Variants in TOP6BL observed in about 807,000 individuals in gnomAD.
The protein encoded by TOP6BL is type 2 DNA topoisomerase 6 subunit B-like.
the TOP6BL span, among the ~76,000 whole-genome samples, chr11:66,773,836 A>T: frequency 2.6e-5 from 4 of 152,006 alleles, no homozygotes; most frequent in African/African-American, 9.7e-5. Flanking sequence ...TCCCAGGTTC[A>T]AGCGATTCTC....
the TOP6BL span, chr11:66,801,219 C>T: frequency 3.8e-6 from 4 of 1,055,376 alleles, no homozygotes; most frequent in Non-Finnish European, 5.6e-6. Flanking sequence ...GTGTCAGCTT[C>T]TCTATAAGAA....
the TOP6BL span, chr11:66,838,358 T>C: frequency 4.3e-6 from 7 of 1,613,362 alleles, no homozygotes; most frequent in Non-Finnish European, 5.9e-6. Context: ...GACTTCTAAT[T>C]TTTTTAAGCA....
At chr11:66,829,262 T>C in the TOP6BL span, among the ~76,000 whole-genome samples, 1 of 150,382 alleles carries the variant, frequency 6.6e-6, no homozygotes, top group Non-Finnish European at 1.5e-5. Context: ...GGCACATGCC[T>C]GTTGTCCCAG....
the TOP6BL span, among the ~76,000 whole-genome samples, chr11:66,829,876 G>A: frequency 6.6e-6 from 1 of 152,050 alleles, no homozygotes; most frequent in Non-Finnish European, 1.5e-5. Context: ...GTGGCAGTGG[G>A]ACCCTGCCTC....
At chr11:66,818,356 GC>G in the TOP6BL span, among the ~76,000 whole-genome samples, 21 of 152,240 alleles carry the variant, frequency 1.4e-4, no homozygotes, top group African/African-American at 5.1e-4. Flanking sequence ...GTTTCCTGGG[GC>G]TCTGGCTTGT....
the TOP6BL span, among the ~76,000 whole-genome samples, chr11:66,821,352 A>G: frequency 6.7e-6 from 1 of 148,886 alleles, no homozygotes; most frequent in African/African-American, 2.5e-5. Context: ...CAGTGGCACA[A>G]TCTTGGCTCA....
the TOP6BL span, chr11:66,762,355 G>A: frequency 1.3e-5 from 5 of 374,358 alleles, no homozygotes; most frequent in African/African-American, 2.2e-5. Flanking sequence ...AGCCGGCGAC[G>A]CAGAAGCCCA....
the TOP6BL span, among the ~76,000 whole-genome samples, chr11:66,777,612 C>T: frequency 1.3e-5 from 2 of 151,980 alleles, no homozygotes; most frequent in Non-Finnish European, 2.9e-5. Flanking sequence ...AAGTGTTGGC[C>T]AGGCGTGGTG....
chr11:66,767,747 C>G, the TOP6BL span, among the ~76,000 whole-genome samples: 1 of 152,100 alleles, frequency 6.6e-6, no homozygotes, highest in Non-Finnish European at 1.5e-5. Context: ...TTTGCCTCTT[C>G]CCTATATGCT....
chr11:66,798,790 T>C, the TOP6BL span, among the ~76,000 whole-genome samples: 1 of 151,662 alleles, frequency 6.6e-6, no homozygotes, highest in Admixed American at 6.6e-5. Flanking sequence ...GAATGTATTT[T>C]TTGGCCGGGC....
At chr11:66,842,810 G>A in the TOP6BL span, 14 of 1,519,786 alleles carry the variant, frequency 9.2e-6, no homozygotes, top group Admixed American at 2.1e-5. Context: ...CTAGCACAGG[G>A]CCATGAAAGT....
the TOP6BL span, among the ~76,000 whole-genome samples, chr11:66,823,001 A>G: frequency 2.6e-4 from 39 of 151,154 alleles, no homozygotes; most frequent in Non-Finnish European, 3.4e-4. Context: ...CTGTCTTAAA[A>G]AAAAAAAAAA....
the TOP6BL span, among the ~76,000 whole-genome samples, chr11:66,781,055 G>T: frequency 1.3e-5 from 2 of 151,740 alleles, no homozygotes; most frequent in Non-Finnish European, 2.9e-5. Context: ...TCCTCCTTGG[G>T]GTTTGCTGAG....
At chr11:66,794,751 GACTT>G in the TOP6BL span, among the ~76,000 whole-genome samples, 2 of 152,144 alleles carry the variant, frequency 1.3e-5, no homozygotes, top group South Asian at 4.1e-4. Context: ...AAAAAAGAAA[GACTT>G]ACAGTCAAGT....
At chr11:66,744,842 G>GCGT in the TOP6BL span, 1 of 1,330,632 alleles carries the variant, frequency 7.5e-7, no homozygotes, top group South Asian at 2.3e-5. Context: ...GGCGGCGGCG[G>GCGT]CGGGCGGGTA....
At chr11:66,765,014 A>T in the TOP6BL span, among the ~76,000 whole-genome samples, 3 of 151,960 alleles carry the variant, frequency 2.0e-5, no homozygotes, top group Non-Finnish European at 4.4e-5. Context: ...AGCACTAGGG[A>T]GGAGATAGGA....
chr11:66,833,300 TGG>T, the TOP6BL span, among the ~76,000 whole-genome samples: 15 of 152,020 alleles, frequency 9.9e-5, no homozygotes, highest in Non-Finnish European at 1.9e-4. Flanking sequence ...CTGGCTGCTT[TGG>T]CCTCCCAAAG....
chr11:66,773,230 T>A, the TOP6BL span, among the ~76,000 whole-genome samples: 1 of 152,006 alleles, frequency 6.6e-6, no homozygotes, highest in Admixed American at 6.6e-5. Flanking sequence ...TGGTTTGTAT[T>A]TTTTGTAGAG....
At chr11:66,765,039 A>G in the TOP6BL span, among the ~76,000 whole-genome samples, 2 of 152,194 alleles carry the variant, frequency 1.3e-5, no homozygotes, top group African/African-American at 4.8e-5. Flanking sequence ...TCCTTGCAAA[A>G]TAAACCCACA....
Sources: gnomAD v4.1 joint callset for allele counts (sites outside exome capture counted in the v4.1 genomes callset) on GRCh38, gnomAD v4.1.1 for gene constraint, MANE v1.5 for transcripts, NCBI Gene and HGNC (gene_info 2026-07-23, HGNC 2026-07-21) for gene names.